RAD51B: variants seen among roughly 807,000 people sequenced by gnomAD.
RAD51B encodes DNA repair protein RAD51 homolog 2.
RAD51B carries 38 observed loss-of-function variants against 42.2 expected under a neutral mutation model. That is an observed-to-expected ratio of 0.90 (90% CI 0.70 to 1.18). The LOEUF is 1.18. Ranked by LOEUF, RAD51B falls within the 50% of genes most tolerant of loss-of-function variation. The pLI, the probability that RAD51B is intolerant of heterozygous loss-of-function variation, is 0.00. For missense variants in RAD51B, 373 were observed against 400.7 expected (o/e 0.93, Z 0.59); for synonymous variants, 154 against 145.2 (o/e 1.06, Z -0.43).
chr14:68,590,576 A>G (rs958550199), intron 10 of RAD51B, among the ~76,000 whole-genome samples: 7 of 152,146 alleles, frequency 4.6e-5, no homozygotes, highest in African/African-American at 1.7e-4. Context: ...CCTCTTTATT[A>G]CCTCCTAAGC....
At chr14:68,606,340 C>T (rs886509982) in intron 10 of RAD51B, among the ~76,000 whole-genome samples, 3 of 152,138 alleles carry the variant, frequency 2.0e-5, no homozygotes, top group African/African-American at 7.2e-5. Context: ...ACCAAGCTCC[C>T]AGGAGGCAGG....
At chr14:67,937,690 G>A (rs976366446) in intron 7 of RAD51B, among the ~76,000 whole-genome samples, 2 of 152,124 alleles carry the variant, frequency 1.3e-5, no homozygotes, top group Non-Finnish European at 1.5e-5. Context: ...AGAGTAACAC[G>A]CTGGGATGGT....
intron 7 of RAD51B, among the ~76,000 whole-genome samples, chr14:68,105,810 C>T (rs1432936935): frequency 3.3e-5 from 5 of 151,934 alleles, no homozygotes; most frequent in Admixed American, 3.3e-4. Context: ...GCAGCATTTA[C>T]AAGCACAGAA....
intron 7 of RAD51B, among the ~76,000 whole-genome samples, chr14:68,129,802 C>G (rs2077847444): frequency 6.6e-6 from 1 of 152,188 alleles, no homozygotes; most frequent in East Asian, 1.9e-4. Context: ...TTCCTAGGCC[C>G]TATCCCCAGA....
At chr14:68,531,917 A>G (rs1887335125) in intron 10 of RAD51B, among the ~76,000 whole-genome samples, 1 of 152,186 alleles carries the variant, frequency 6.6e-6, no homozygotes, top group Admixed American at 6.5e-5. Flanking sequence ...TGGGAGGTTG[A>G]AGCTGCAGTA....
At chr14:68,013,284 CAGAAGCT>C (rs2075717775) in intron 7 of RAD51B, among the ~76,000 whole-genome samples, 1 of 152,118 alleles carries the variant, frequency 6.6e-6, no homozygotes, top group Admixed American at 6.5e-5. Flanking sequence ...GAAAGATAGG[CAGAAGCT>C]ATATCCTTCT....
At chr14:68,379,275 A>T (rs1263411976) in intron 8 of RAD51B, among the ~76,000 whole-genome samples, 1 of 152,216 alleles carries the variant, frequency 6.6e-6, no homozygotes, top group African/African-American at 2.4e-5. Context: ...TTATATCATT[A>T]ATTAAAATTT....
At chr14:68,247,559 C>T (rs2080525471) in intron 7 of RAD51B, among the ~76,000 whole-genome samples, 1 of 152,168 alleles carries the variant, frequency 6.6e-6, no homozygotes, top group Non-Finnish European at 1.5e-5. Context: ...TTCAGATTCC[C>T]TGTAATTTTA....
At chr14:68,602,662 G>C (rs1185630626) in intron 10 of RAD51B, among the ~76,000 whole-genome samples, 2 of 152,202 alleles carry the variant, frequency 1.3e-5, no homozygotes, top group Non-Finnish European at 2.9e-5. Context: ...CTTCTCTTAA[G>C]GCCTTTGACT....
At chr14:68,076,234 C>G (rs1020285943) in intron 7 of RAD51B, among the ~76,000 whole-genome samples, 2 of 152,098 alleles carry the variant, frequency 1.3e-5, no homozygotes, top group Non-Finnish European at 2.9e-5. Context: ...TTCTGTTGGC[C>G]TAGAGAAACT....
At chr14:67,960,456 A>C (rs555355798) in intron 7 of RAD51B, among the ~76,000 whole-genome samples, 1 of 152,118 alleles carries the variant, frequency 6.6e-6, no homozygotes, top group Admixed American at 6.5e-5. Context: ...TATAGTTTTT[A>C]TCTTTCACTT....
chr14:68,562,472 T>A (rs1397218988), intron 10 of RAD51B: 9 of 984,260 alleles, frequency 9.1e-6, no homozygotes, highest in Non-Finnish European at 1.1e-5. Context: ...TTTGTGCTGG[T>A]CTCAGCCTCT....
intron 9 of RAD51B, among the ~76,000 whole-genome samples, chr14:68,434,751 C>G (rs905637971): frequency 6.6e-6 from 1 of 151,500 alleles, no homozygotes; most frequent in Non-Finnish European, 1.5e-5. Context: ...ACCCACTGTC[C>G]TGCACCCACT....
intron 10 of RAD51B, among the ~76,000 whole-genome samples, chr14:68,514,496 T>C (rs191626371): frequency 6.6e-6 from 1 of 152,316 alleles, no homozygotes; most frequent in Admixed American, 6.5e-5. Flanking sequence ...CATCATGCCT[T>C]GGGTTCCCCA....
At chr14:68,370,250 G>A (rs1408415693) in intron 8 of RAD51B, among the ~76,000 whole-genome samples, 2 of 152,220 alleles carry the variant, frequency 1.3e-5, no homozygotes, top group Non-Finnish European at 2.9e-5. Flanking sequence ...GCCATTGGCA[G>A]AAATTACAGT....
intron 7 of RAD51B, among the ~76,000 whole-genome samples, chr14:67,958,964 T>A (rs1359994517): frequency 6.6e-6 from 1 of 152,208 alleles, no homozygotes; most frequent in Non-Finnish European, 1.5e-5. Flanking sequence ...TTTCTCTAGA[T>A]CGATCATGAA....
intron 7 of RAD51B, among the ~76,000 whole-genome samples, chr14:68,060,455 T>A (rs2076549672): frequency 6.6e-6 from 1 of 152,220 alleles, no homozygotes; most frequent in Non-Finnish European, 1.5e-5. Context: ...GAGGTTGTTA[T>A]AGGAATAACT....
At chr14:67,848,593 G>T (rs950842228) in intron 4 of RAD51B, among the ~76,000 whole-genome samples, 1 of 152,004 alleles carries the variant, frequency 6.6e-6, no homozygotes, top group South Asian at 2.1e-4. Flanking sequence ...TTGAAGTTTA[G>T]TAATGACATA....
intron 7 of RAD51B, among the ~76,000 whole-genome samples, chr14:68,162,757 C>A (rs1313332891): frequency 6.6e-6 from 1 of 152,144 alleles, no homozygotes; most frequent in African/African-American, 2.4e-5. Flanking sequence ...TGCACTCCAG[C>A]CTGGATGACA....
Sources: gnomAD v4.1 joint callset for allele counts (sites outside exome capture counted in the v4.1 genomes callset) on GRCh38, gnomAD v4.1.1 for gene constraint, MANE v1.5 for transcripts, NCBI Gene and HGNC (gene_info 2026-07-23, HGNC 2026-07-21) for gene names.